ASAP3: variants seen among roughly 807,000 people sequenced by gnomAD.
ASAP3 encodes arf-GAP with SH3 domain, ANK repeat and PH domain-containing protein 3.
ASAP3 carries 85 observed loss-of-function variants against 118.2 expected under a neutral mutation model. That is an observed-to-expected ratio of 0.72 (90% CI 0.60 to 0.86). ASAP3 has a LOEUF of 0.86. Among genes scored for constraint, ASAP3 ranks in the 40% least tolerant of loss-of-function variants. The probability of loss-of-function intolerance (pLI) is 0.00; values close to 1 mark genes in which losing one functional copy is unlikely to be tolerated. For missense variants in ASAP3, 1,026 were observed against 1,175.0 expected (o/e 0.87, Z 1.85); for synonymous variants, 432 against 477.4 (o/e 0.90, Z 1.24).
chr1:23,475,470 A>T (rs1642098341), intron 1 of ASAP3, among the ~76,000 whole-genome samples: 1 of 152,114 alleles, frequency 6.6e-6, no homozygotes, highest in South Asian at 2.1e-4. Context: ...CTTGCTTGCC[A>T]TAAAAAGCCT....
At chr1:23,433,829 G>T in intron 19 of ASAP3, 136 bp from the exon 20 acceptor site, 1 of 1,096,844 alleles carries the variant, frequency 9.1e-7, no homozygotes, top group Non-Finnish European at 1.3e-6. Flanking sequence ...GTGACCATAG[G>T]CAAGTTATAT....
intron 19 of ASAP3, 68 bp from the exon 20 acceptor site, chr1:23,433,761 G>A (rs898603534): frequency 5.0e-6 from 8 of 1,595,404 alleles, no homozygotes; most frequent in Non-Finnish European, 6.0e-6. Flanking sequence ...AGATTAAGAC[G>A]GGCCTCTGGA....
intron 5 of ASAP3, among the ~76,000 whole-genome samples, chr1:23,442,844 A>G (rs902096034): frequency 1.3e-5 from 2 of 152,106 alleles, no homozygotes; most frequent in African/African-American, 4.8e-5. Context: ...GAAAATGGGG[A>G]TCCAACCTCG....
chr1:23,433,555 G>A, intron 20 of ASAP3, 23 bp from the exon 21 acceptor site: 1 of 1,614,234 alleles, frequency 6.2e-7, no homozygotes, highest in South Asian at 1.1e-5. Context: ...AAGGCTTGGT[G>A]GTTCAGAGGG....
At chr1:23,474,687 G>A (rs1642070689) in intron 1 of ASAP3, among the ~76,000 whole-genome samples, 2 of 151,924 alleles carry the variant, frequency 1.3e-5, no homozygotes, top group Non-Finnish European at 2.9e-5. Flanking sequence ...GGGTTCAAGC[G>A]ATTCTCCTGC....
At chr1:23,441,299 A>T in intron 9 of ASAP3, 88 bp from the exon 10 acceptor site, 2 of 1,604,106 alleles carry the variant, frequency 1.2e-6, no homozygotes, top group Non-Finnish European at 1.7e-6. Flanking sequence ...AGACTTCTCC[A>T]GGGGACCCTG....
At chr1:23,473,200 C>CA (rs2148659485) in intron 1 of ASAP3, among the ~76,000 whole-genome samples, 1 of 152,364 alleles carries the variant, frequency 6.6e-6, no homozygotes, top group East Asian at 1.9e-4. Flanking sequence ...AACTGCTCAT[C>CA]AGTTACCTGG....
At position 23,433,465 on chromosome 1, in the gene ASAP3, G is replaced by A; in HGVS notation, c.2087C>T (p.Thr696Ile). Residue 696 changes from threonine to isoleucine, a missense_variant, in exon 21 of 25, where the codon ACA becomes ATA. Physicochemically the swap from Thr to Ile is moderately conservative, Grantham distance 89 (BLOSUM62 -1). Transcript: ENST00000336689. Reference sequence around the variant, plus strand: ...CTCCTCACTGTCAGAGCCAGGCTCTGTGGAAATTACCCAGGAGTAGTCCAC... The same window carrying A: ...CTCCTCACTGTCAGAGCCAGGCTCTATGGAAATTACCCAGGAGTAGTCCAC... ...LHVDYSWVIS[T>I]EPGSDSEEDE... The A allele has an allele frequency of 4.3e-6, 7 of 1,614,226 alleles. No individual in the cohort carries two copies. The highest frequency in any genetic ancestry group is 5.9e-6 in the Non-Finnish European group (7 of 1,180,042).
intron 18 of ASAP3, 81 bp downstream of exon 18, chr1:23,434,452 A>G: frequency 6.2e-7 from 1 of 1,601,110 alleles, no homozygotes; most frequent in South Asian, 1.1e-5. Context: ...TGGGAGGGGA[A>G]AGGAGGGAAG....
At position 23,437,601 on chromosome 1, in the gene ASAP3, G is replaced by T; in HGVS notation, c.1103-129C>A. 1 of 1,144,094 alleles carries T rather than the reference G, an allele frequency of 8.7e-7. No individual in the cohort carries two copies. Among genetic ancestry groups the T allele is most frequent in the Non-Finnish European group, 1.2e-6 (1 of 805,692 alleles). 70.9% of individuals were successfully genotyped at this position (1,144,094 alleles called of 1,614,324 possible). A position where few individuals can be genotyped will look rare whatever the true frequency, so the allele number is the denominator to read the frequency against. ...CCTGACAAGTCGGACTCTCAAGCTA[G>T]GAGTGGGAAGGGAGTGGAATGACAG... On this transcript the variant is annotated intron_variant, in intron 12 of 24. Coordinates refer to ENST00000336689, the MANE Select transcript of ASAP3 (RefSeq NM_017707.4). The surrounding 1 kb of genome is among the most constrained non-coding windows in gnomAD (Gnocchi z 6.1).
chr1:23,480,058 A>G (rs1233533956), intron 1 of ASAP3: 1 of 152,126 alleles, frequency 6.6e-6, no homozygotes, highest in Non-Finnish European at 1.5e-5. Flanking sequence ...GCTACTCAGG[A>G]GGCTGAGGTG....
chr1:23,459,073 G>C (rs2148641626), intron 1 of ASAP3, among the ~76,000 whole-genome samples: 1 of 150,406 alleles, frequency 6.6e-6, no homozygotes, highest in African/African-American at 2.4e-5. Context: ...AGGAGGCTGA[G>C]GAAGGAGAAT....
At chr1:23,440,500 CAAAAAAAAAAAAAAAAA>C (rs35344912) in intron 10 of ASAP3, among the ~76,000 whole-genome samples, 2 of 24,296 alleles carry the variant, frequency 8.2e-5, no homozygotes, top group African/African-American at 2.1e-4. Flanking sequence ...GACTCCATCT[CAAAAAAAAAAAAAAAAA>C]AAAAAAAAAA....
intron 5 of ASAP3, among the ~76,000 whole-genome samples, chr1:23,444,963 CT>C (rs555108300): frequency 0.12 from 16,171 of 137,204 alleles, 1,408 homozygotes; most frequent in African/African-American, 0.26. Flanking sequence ...GCTCTGTAGG[CT>C]TTTTTTTTTT....
chr1:23,465,506 C>CT lies in ASAP3; in HGVS notation c.130-9313dup, dbSNP rs1234141987. Among the ~76,000 whole-genome samples the CT allele has an allele frequency of 9.1e-4, 135 of 148,766 alleles. 1 individual carries two copies. The highest frequency in any genetic ancestry group is 3.5e-3 in the Middle Eastern group (1 of 288). On this transcript the variant is annotated intron_variant, in intron 1 of 24. Transcript: ENST00000336689. ...GTAACTTTTTTTCTTTTTTTTCTTT[C>CT]TTTTTTTTTGGGGGGGGGATAGACT...
chr1:23,436,880 T>C lies in ASAP3; in HGVS notation c.1476+31A>G, dbSNP rs1640681221. The C allele has an allele frequency of 6.9e-6, 11 of 1,599,810 alleles. No individual in the cohort carries two copies. Among genetic ancestry groups the C allele is most frequent in the Non-Finnish European group, 9.4e-6 (11 of 1,173,444 alleles). On this transcript the variant is annotated intron_variant, in intron 15 of 24. Transcript: ENST00000336689. The surrounding 1 kb of genome is among the most constrained non-coding windows in gnomAD (Gnocchi z 4.2). The stretch of plus-strand genomic sequence containing the variant: ...GAAACTACACCCCTAACTCCGCTTC[T>C]GGCCCCTTCCAGGCCCCGCCCCGCC...
intron 4 of ASAP3, 97 bp downstream of exon 4, chr1:23,452,600 C>CCTGG: frequency 3.0e-6 from 4 of 1,350,740 alleles, no homozygotes; most frequent in Non-Finnish European, 4.2e-6. Context: ...AGCCCCTTCA[C>CCTGG]CTGGCCTCCA....
In ASAP3 at chr1:23,483,999, C is replaced by T; in HGVS notation, c.129+6G>A. 1.5e-6 allele frequency: 2 copies of T among 1,293,492 alleles called. No homozygotes were observed. The highest frequency in any genetic ancestry group is 6.2e-5 in the East Asian group (2 of 32,070). 80.1% of individuals were successfully genotyped at this position (1,293,492 alleles called of 1,614,324 possible). The stretch of plus-strand genomic sequence containing the variant: ...CCCCCGACCCCTCCCGCCTCGGCCC[C>T]CTCACCTCCTCCCGCGCCAGCGCCG... On this transcript the variant is annotated splice_donor_region_variant and intron_variant, in intron 1 of 24. Coordinates refer to ENST00000336689, the MANE Select transcript of ASAP3 (RefSeq NM_017707.4).
rs771591906 is a variant in ASAP3 at position 23,436,014 on chromosome 1, T to C, written c.1586A>G (p.Asp529Gly). The C allele has an allele frequency of 6.2e-7, 1 of 1,614,174 alleles. No homozygotes were observed. ...SAESDMGTRRDYIMAKYVEHR... is the reference protein window; with the variant it reads ...SAESDMGTRRGYIMAKYVEHR... Reference sequence around the variant, plus strand: ...CTCCACATACTTGGCCATAATGTAGTCCCTGCGGGTGCCCCTACCAAAAAC... The same window carrying C: ...CTCCACATACTTGGCCATAATGTAGCCCCTGCGGGTGCCCCTACCAAAAAC... Residue 529 changes from aspartate to glycine, a missense_variant, in exon 17 of 25, where the codon GAC becomes GGC. Physicochemically the swap from Asp to Gly is moderately conservative, Grantham distance 94. Coordinates refer to ENST00000336689, the MANE Select transcript of ASAP3 (RefSeq NM_017707.4). The surrounding 1 kb of genome is among the most constrained non-coding windows in gnomAD (Gnocchi z 4.2).
Sources: gnomAD v4.1 joint callset for allele counts (sites outside exome capture counted in the v4.1 genomes callset) on GRCh38, gnomAD v4.1.1 for gene constraint, Gnocchi (gnomAD v3.1) non-coding constraint, MANE v1.5 for transcripts, NCBI Gene and HGNC (gene_info 2026-07-23, HGNC 2026-07-21) for gene names.